ESRRG: variants seen among roughly 807,000 people sequenced by gnomAD.
ESRRG encodes estrogen-related receptor gamma.
ESRRG carries 13 observed loss-of-function variants against 44.0 expected under a neutral mutation model. The ratio of observed to expected loss-of-function variants is 0.30; its 90% CI spans 0.19 to 0.47. ESRRG has a LOEUF of 0.47. Among genes scored for constraint, ESRRG ranks in the 20% least tolerant of loss-of-function variants. The pLI is 1.00. For missense variants in ESRRG, 395 were observed against 580.6 expected, an observed-to-expected ratio of 0.68 and a Z score of 3.29; for synonymous variants, 215 against 214.6, an observed-to-expected ratio of 1.00 and a Z score of -0.02.
intron 2 of ESRRG, among the ~76,000 whole-genome samples, chr1:216,823,544 T>C (rs1477488628): frequency 6.6e-6 from 1 of 152,192 alleles, no homozygotes; most frequent in Non-Finnish European, 1.5e-5. Flanking sequence ...TGGGTTTCCT[T>C]TTGGCACTAA....
intron 1 of ESRRG, among the ~76,000 whole-genome samples, chr1:216,972,044 A>C (rs1217300009): frequency 6.6e-6 from 1 of 152,214 alleles, no homozygotes; most frequent in Non-Finnish European, 1.5e-5. Context: ...TCTGATGAAC[A>C]AAATTGGTAG....
At chr1:216,915,007 G>A (rs777726482) in intron 2 of ESRRG, among the ~76,000 whole-genome samples, 4 of 152,160 alleles carry the variant, frequency 2.6e-5, no homozygotes, top group Non-Finnish European at 4.4e-5. Context: ...AAACTGGAGG[G>A]AGAATAGTAC....
intron 3 of ESRRG, among the ~76,000 whole-genome samples, chr1:216,625,050 C>T (rs1356895138): frequency 6.6e-6 from 1 of 152,110 alleles, no homozygotes; most frequent in East Asian, 1.9e-4. Context: ...ATAACAGACT[C>T]TGTCAGATTT....
At chr1:216,579,217 T>C (rs950421043) in intron 3 of ESRRG, among the ~76,000 whole-genome samples, 1 of 152,158 alleles carries the variant, frequency 6.6e-6, no homozygotes, top group African/African-American at 2.4e-5. Flanking sequence ...GGCATTATAT[T>C]TGGACATCTG....
At chr1:216,838,750 G>T (rs2148842993) in intron 2 of ESRRG, among the ~76,000 whole-genome samples, 1 of 152,300 alleles carries the variant, frequency 6.6e-6, no homozygotes, top group East Asian at 1.9e-4. Flanking sequence ...GTTTTCCAGT[G>T]CATTTAAAAG....
intron 2 of ESRRG, among the ~76,000 whole-genome samples, chr1:216,914,242 C>T (rs994227545): frequency 6.6e-6 from 1 of 152,026 alleles, no homozygotes; most frequent in East Asian, 1.9e-4. Flanking sequence ...GATTAATAAA[C>T]AAATATTTGT....
At chr1:216,618,192 C>T (rs1680745054) in intron 3 of ESRRG, among the ~76,000 whole-genome samples, 1 of 152,180 alleles carries the variant, frequency 6.6e-6, no homozygotes, top group Non-Finnish European at 1.5e-5. Context: ...ATCAAAATCA[C>T]ACATTGAATT....
intron 3 of ESRRG, among the ~76,000 whole-genome samples, chr1:216,639,868 G>C (rs1294297112): frequency 2.6e-5 from 4 of 152,160 alleles, no homozygotes; most frequent in Non-Finnish European, 5.9e-5. Flanking sequence ...ATCTATAAAA[G>C]AAGAGTATCT....
rs1177633949 is a variant in ESRRG, at chr1:217,070,113, G to A, written c.-106+19394C>T. On this transcript the variant is annotated intron_variant, in intron 1 of 7. Transcript: ENST00000359162. ...TTTCTGGGGCAAGGGTCCAGGAAGT[G>A]GGGGTAAAATGCAGAGAATGACTCT... 2.0e-5 allele frequency among the ~76,000 whole-genome samples: 3 copies of A among 152,128 alleles called. No individual in the cohort carries two copies. The East Asian group carries it at 5.8e-4, about 29-fold the overall frequency.
intron 2 of ESRRG, among the ~76,000 whole-genome samples, chr1:216,763,946 G>A (rs2092934438): frequency 6.6e-6 from 1 of 152,146 alleles, no homozygotes; most frequent in African/African-American, 2.4e-5. Flanking sequence ...GTCTTGAAGA[G>A]AAGACTAATC....
At chr1:216,546,042 T>C (rs1257173412) in intron 5 of ESRRG, among the ~76,000 whole-genome samples, 1 of 152,058 alleles carries the variant, frequency 6.6e-6, no homozygotes, top group Non-Finnish European at 1.5e-5. Flanking sequence ...AACTCACTCA[T>C]AGGATGGTTT....
chr1:216,713,630 G>T (rs1004450719), intron 1 of ESRRG, among the ~76,000 whole-genome samples: 1 of 152,136 alleles, frequency 6.6e-6, no homozygotes, highest in Admixed American at 6.6e-5. Flanking sequence ...CAGCAGAGAC[G>T]CACCTGCTTA....
At chr1:216,584,382 G>A (rs1287230624) in intron 3 of ESRRG, among the ~76,000 whole-genome samples, 1 of 151,138 alleles carries the variant, frequency 6.6e-6, no homozygotes, top group Admixed American at 6.6e-5. Context: ...TCAGCCTCCC[G>A]AGTAGCTGGG....
chr1:216,797,482 T>A (rs1307848306), intron 2 of ESRRG, among the ~76,000 whole-genome samples: 1 of 151,918 alleles, frequency 6.6e-6, no homozygotes, highest in African/African-American at 2.4e-5. Flanking sequence ...AGTATACCCA[T>A]CCCTCCAGAT....
At chr1:216,753,449 C>G (rs1372751029) in intron 2 of ESRRG, among the ~76,000 whole-genome samples, 2 of 151,918 alleles carry the variant, frequency 1.3e-5, no homozygotes, top group Non-Finnish European at 2.9e-5. Flanking sequence ...TTTTTAAAGT[C>G]CATATTAATG....
chr1:217,084,559 A>C (rs1389642766), intron 1 of ESRRG, among the ~76,000 whole-genome samples: 1 of 152,204 alleles, frequency 6.6e-6, no homozygotes, highest in Non-Finnish European at 1.5e-5. Flanking sequence ...ATAGGAATGC[A>C]AAAGTTTTGC....
At chr1:216,872,758 CA>C (rs1440000575) in intron 2 of ESRRG, among the ~76,000 whole-genome samples, 7 of 152,038 alleles carry the variant, frequency 4.6e-5, no homozygotes, top group African/African-American at 1.7e-4. Flanking sequence ...ATAGTTTCTC[CA>C]AAAGGCTGTT....
chr1:216,720,590 T>G (rs1028372974), intron 1 of ESRRG, among the ~76,000 whole-genome samples: 4 of 152,124 alleles, frequency 2.6e-5, no homozygotes, highest in Non-Finnish European at 5.9e-5. Context: ...TGTTACTGTA[T>G]AAATTTTTTC....
rs2040945448 is a variant in ESRRG at position 216,504,925 on chromosome 1, C to T, written c.*2014G>A. On this transcript the variant is annotated 3_prime_UTR_variant, in exon 7 of 7. Coordinates refer to ENST00000408911, the MANE Select transcript of ESRRG (RefSeq NM_001438.4). ...GAATAGAATATACTACTGTAGTCTC[C>T]TGAGGAATTGTACATCCAATATTGT... 1 of 152,484 alleles carries T rather than the reference C, an allele frequency of 6.6e-6. No individual in the cohort carries two copies. Among genetic ancestry groups the T allele is most frequent in the African/African-American group, 2.4e-5 (1 of 41,406 alleles). The allele number at this position is 152,484 out of a possible 1,614,324, so 9.4% of individuals were successfully genotyped here.
Sources: gnomAD v4.1 joint callset for allele counts (sites outside exome capture counted in the v4.1 genomes callset) on GRCh38, gnomAD v4.1.1 for gene constraint, MANE v1.5 for transcripts, NCBI Gene and HGNC (gene_info 2026-07-23, HGNC 2026-07-21) for gene names.